COLEC12: variants seen among roughly 807,000 people sequenced by gnomAD.
The protein encoded by COLEC12 is collectin subfamily member 12.
In COLEC12, 33 loss-of-function variants were observed where a neutral mutation model predicts 71.1. The ratio of observed to expected loss-of-function variants is 0.46; its 90% CI spans 0.35 to 0.62. COLEC12 has a LOEUF of 0.62. Ranked by LOEUF, COLEC12 falls within the 20% of genes least tolerant of loss-of-function variation. The probability of loss-of-function intolerance (pLI) is 0.00; values close to 1 mark genes in which losing one functional copy is unlikely to be tolerated. For missense variants in COLEC12, 765 were observed against 916.1 expected, an observed-to-expected ratio of 0.84 and a Z score of 2.13; for synonymous variants, 350 against 353.0, an observed-to-expected ratio of 0.99 and a Z score of 0.10.
At chr18:449,038 C>G (rs956003186) in intron 2 of COLEC12, among the ~76,000 whole-genome samples, 3 of 151,958 alleles carry the variant, frequency 2.0e-5, no homozygotes, top group African/African-American at 7.2e-5. Context: ...TACTGTTTGC[C>G]AGAATTCATC....
intron 2 of COLEC12, among the ~76,000 whole-genome samples, chr18:387,257 T>A (rs148871094): frequency 1.1e-3 from 168 of 152,346 alleles, no homozygotes; most frequent in African/African-American, 3.7e-3. Flanking sequence ...TGCTTTTTTT[T>A]AAAGTGTCTT....
chr18:329,321 C>T (rs1475680563), intron 8 of COLEC12, among the ~76,000 whole-genome samples: 1 of 152,084 alleles, frequency 6.6e-6, no homozygotes, highest in African/African-American at 2.4e-5. Context: ...TAACCCAGAC[C>T]TTTGTGCATT....
chr18:496,791 G>A (rs1567926556), intron 1 of COLEC12, among the ~76,000 whole-genome samples: 1 of 152,188 alleles, frequency 6.6e-6, no homozygotes. Flanking sequence ...GGACCTCTGT[G>A]GTCCCGGGTG....
intron 2 of COLEC12, among the ~76,000 whole-genome samples, chr18:450,940 T>C (rs1018639271): frequency 2.6e-5 from 4 of 152,168 alleles, no homozygotes; most frequent in Non-Finnish European, 5.9e-5. Flanking sequence ...TAGCAAAGAG[T>C]CTGGCCACAC....
intron 2 of COLEC12, among the ~76,000 whole-genome samples, chr18:430,993 CATTTT>C (rs1490121784): frequency 1.3e-5 from 2 of 152,060 alleles, no homozygotes; most frequent in Admixed American, 6.6e-5. Context: ...CTGGCCCACA[CATTTT>C]ATTTTATTTT....
At chr18:329,293 T>A (rs2143423449) in intron 8 of COLEC12, among the ~76,000 whole-genome samples, 1 of 152,226 alleles carries the variant, frequency 6.6e-6, no homozygotes, top group South Asian at 2.1e-4. Flanking sequence ...GGCTTAAGAT[T>A]GAATTTCTTA....
chr18:404,905 T>C (rs771630126), intron 2 of COLEC12, among the ~76,000 whole-genome samples: 1 of 152,218 alleles, frequency 6.6e-6, no homozygotes, highest in Non-Finnish European at 1.5e-5. Context: ...AGCCTTATTT[T>C]TCTTCTTGCA....
chr18:358,797 T>C (rs1914682503), intron 2 of COLEC12, among the ~76,000 whole-genome samples: 1 of 152,178 alleles, frequency 6.6e-6, no homozygotes, highest in Admixed American at 6.5e-5. Context: ...GTACAGCATG[T>C]TACTGTACTG....
Position 484,142 on chromosome 18 carries a change from G to A in COLEC12, c.8-3385C>T, listed in dbSNP as rs1250691560. Among the ~76,000 whole-genome samples, 4 of 152,222 alleles carry A rather than the reference G, an allele frequency of 2.6e-5. No homozygotes were observed. In the East Asian group the frequency reaches 7.7e-4, roughly 29 times the overall value. On this transcript the variant is annotated intron_variant, in intron 1 of 9. Coordinates refer to ENST00000400256, the MANE Select transcript of COLEC12 (RefSeq NM_130386.3). The stretch of plus-strand genomic sequence containing the variant: ...CAGCAGGGCTACCATTAGCTTGTTT[G>A]TTTGTTTGTTTTCGTTTCCCTCTCT...
At position 408,639 on chromosome 18, in the gene COLEC12, G is replaced by A. The variant is rs1475881131; in HGVS notation, c.59-51117C>T. Among the ~76,000 whole-genome samples, 2 of 151,276 alleles carry A rather than the reference G, an allele frequency of 1.3e-5. No homozygotes were observed. The highest frequency in any genetic ancestry group is 2.9e-5 in the Non-Finnish European group (2 of 67,854). On this transcript the variant is annotated intron_variant, in intron 2 of 9. Coordinates refer to ENST00000400256, the MANE Select transcript of COLEC12 (RefSeq NM_130386.3). The surrounding 1 kb of genome is among the most constrained non-coding windows in gnomAD (Gnocchi z 4.3). ...AAAAAAAAAAGACAGGAAAATAAAA[G>A]CATGGGAGGAAAAAGATTTAAGGTT...
intron 3 of COLEC12, among the ~76,000 whole-genome samples, chr18:350,338 T>C (rs1260817454): frequency 1.3e-5 from 2 of 152,122 alleles, no homozygotes; most frequent in Admixed American, 6.5e-5. Context: ...CCACCATGAT[T>C]CTGAGGCCTC....
chr18:371,046 C>T (rs1233509459), intron 2 of COLEC12, among the ~76,000 whole-genome samples: 2 of 152,192 alleles, frequency 1.3e-5, no homozygotes, highest in African/African-American at 2.4e-5. Flanking sequence ...AATGTTCCTT[C>T]CTGCTGGAAA....
chr18:467,951 A>C (rs1490287487), intron 2 of COLEC12, among the ~76,000 whole-genome samples: 1 of 152,134 alleles, frequency 6.6e-6, no homozygotes, highest in Non-Finnish European at 1.5e-5. Context: ...TGGAATAAGG[A>C]AGAGTAAAAA....
chr18:366,957 C>T (rs995413715), intron 2 of COLEC12, among the ~76,000 whole-genome samples: 2 of 152,214 alleles, frequency 1.3e-5, no homozygotes, highest in African/African-American at 4.8e-5. Context: ...CAGCCTCAAA[C>T]CCGCTGGAGG....
chr18:455,624 G>T (rs1447481436), intron 2 of COLEC12, among the ~76,000 whole-genome samples: 1 of 151,904 alleles, frequency 6.6e-6, no homozygotes, highest in East Asian at 1.9e-4. Context: ...TTAGGTATTT[G>T]TCCTAATGCT....
chr18:383,166 C>T (rs1915271562), intron 2 of COLEC12, among the ~76,000 whole-genome samples: 1 of 152,104 alleles, frequency 6.6e-6, no homozygotes, highest in South Asian at 2.1e-4. Context: ...CAACCCATAT[C>T]CTCTCATTTG....
chr18:368,668 G>T (rs1274282), intron 2 of COLEC12, among the ~76,000 whole-genome samples: 37,238 of 151,652 alleles, frequency 0.25, 4,668 homozygotes, highest in South Asian at 0.32. Context: ...ATCGAGACCA[G>T]CCTGGCTAAC....
In COLEC12 at chr18:323,677, T is replaced by C. The variant is rs1049940757; in HGVS notation, c.2064-1870A>G. Among the ~76,000 whole-genome samples the C allele has an allele frequency of 5.3e-5, 8 of 152,354 alleles. No individual in the cohort carries two copies. In the South Asian group the frequency reaches 8.3e-4, roughly 16 times the overall value. ...ATCTTGTGGACATACATTTCGTTCA[T>C]TTCTGCCAGTAATATGGGGGGTTTG... is the stretch of plus-strand genomic sequence containing the variant. On this transcript the variant is annotated intron_variant, in intron 8 of 9. Transcript: ENST00000400256.
chr18:495,274 A>G (rs1441866402), intron 1 of COLEC12, among the ~76,000 whole-genome samples: 1 of 152,248 alleles, frequency 6.6e-6, no homozygotes, highest in African/African-American at 2.4e-5. Flanking sequence ...TCAGCAGTAA[A>G]GAATGAACCT....
Sources: allele counts gnomAD v4.1 joint callset (sites outside exome capture counted in the v4.1 genomes callset), GRCh38; gene constraint gnomAD v4.1.1; non-coding constraint Gnocchi (gnomAD v3.1); transcripts MANE v1.5; gene names NCBI Gene and HGNC (gene_info 2026-07-23, HGNC 2026-07-21).